GPHN: variants seen among roughly 807,000 people sequenced by gnomAD.
GPHN encodes the protein gephyrin.
In GPHN, 17 loss-of-function variants were observed where a neutral mutation model predicts 95.5. The observed-to-expected ratio is 0.18, with a 90% CI of 0.12 to 0.27. GPHN has a LOEUF of 0.27. Among genes scored for constraint, GPHN ranks in the 10% least tolerant of loss-of-function variants. The pLI is 1.00. For missense variants in GPHN, 660 were observed against 978.1 expected, an observed-to-expected ratio of 0.67 and a Z score of 4.34; for synonymous variants, 320 against 322.5, an observed-to-expected ratio of 0.99 and a Z score of 0.08.
intron 11 of GPHN, among the ~76,000 whole-genome samples, chr14:67,079,375 A>G (rs1031402589): frequency 2.6e-5 from 4 of 152,046 alleles, no homozygotes; most frequent in African/African-American, 9.7e-5. Flanking sequence ...ATTTTCATTA[A>G]TTCAAAAAGA....
intron 1 of GPHN, among the ~76,000 whole-genome samples, chr14:66,586,137 T>C (rs2061409658): frequency 6.6e-6 from 1 of 152,220 alleles, no homozygotes; most frequent in South Asian, 2.1e-4. Flanking sequence ...CCTTTACCAT[T>C]ATGTAATGGC....
chr14:66,765,142 G>A (rs1287538778), intron 2 of GPHN, among the ~76,000 whole-genome samples: 1 of 152,172 alleles, frequency 6.6e-6, no homozygotes, highest in Non-Finnish European at 1.5e-5. Context: ...TCTGATGTGA[G>A]AGGGTATCTC....
chr14:67,280,228 C>G, the GPHN span, among the ~76,000 whole-genome samples: 1 of 152,186 alleles, frequency 6.6e-6, no homozygotes, highest in Non-Finnish European at 1.5e-5. Context: ...ATATCAAATG[C>G]ATGTTTCCAA....
Position 66,929,277 on chromosome 14 carries a change from C to G in GPHN, c.828+4985C>G, listed in dbSNP as rs373691342. ...CCATGTTGGCCAGGCTGATCTCGAA[C>G]TCCTGGACCTCAAGCGATCCGCCTC... On this transcript the variant is annotated intron_variant, in intron 8 of 22. Transcript: ENST00000478722. Among the ~76,000 whole-genome samples, 5 of 152,070 alleles carry G rather than the reference C, an allele frequency of 3.3e-5. No individual in the cohort carries two copies. The South Asian group carries it at 1.0e-3, about 32-fold the overall frequency.
chr14:66,640,053 C>G (rs1226256079), intron 1 of GPHN, among the ~76,000 whole-genome samples: 1 of 152,060 alleles, frequency 6.6e-6, no homozygotes, highest in Non-Finnish European at 1.5e-5. Flanking sequence ...GCTGAAACAC[C>G]TAGGTGCAAT....
chr14:67,453,460 G>A, the GPHN span, among the ~76,000 whole-genome samples: 2 of 152,212 alleles, frequency 1.3e-5, no homozygotes, highest in African/African-American at 2.4e-5. Context: ...TCAGGTACCC[G>A]GGATGCTGAC....
chr14:66,954,129 G>A (rs1263990607), intron 8 of GPHN, among the ~76,000 whole-genome samples: 2 of 151,918 alleles, frequency 1.3e-5, no homozygotes, highest in Non-Finnish European at 2.9e-5. Context: ...GGTTCCTTGA[G>A]ATTCCATATG....
At chr14:67,144,244 A>T (rs368184469) in intron 18 of GPHN, among the ~76,000 whole-genome samples, 7,024 of 67,188 alleles carry the variant, frequency 0.1, 1,774 homozygotes, top group African/African-American at 0.46. Context: ...CTTAAAAAAA[A>T]AAAAAAATAT....
At chr14:66,629,125 GTATATAAATATA>G (rs2063645697) in intron 1 of GPHN, among the ~76,000 whole-genome samples, 1 of 121,158 alleles carries the variant, frequency 8.3e-6, no homozygotes, top group Non-Finnish European at 1.7e-5. Context: ...ATATAAATAT[GTATATAAATATA>G]TATTTATATA....
At chr14:67,652,860 C>T in the GPHN span, among the ~76,000 whole-genome samples, 123 of 152,228 alleles carry the variant, frequency 8.1e-4, 2 homozygotes, top group African/African-American at 2.7e-3. Flanking sequence ...GTGGTGCCAT[C>T]TCGGCTCACT....
intron 11 of GPHN, among the ~76,000 whole-genome samples, chr14:67,069,637 C>G (rs1197590003): frequency 6.6e-6 from 1 of 152,162 alleles, no homozygotes; most frequent in Non-Finnish European, 1.5e-5. Context: ...ATCATGTAAT[C>G]TTAAATAAAA....
chr14:67,161,990 G>T (rs2082006427), intron 19 of GPHN, among the ~76,000 whole-genome samples: 2 of 151,848 alleles, frequency 1.3e-5, no homozygotes, highest in South Asian at 4.2e-4. Flanking sequence ...TCTGACTTCA[G>T]CCATTGTGTA....
chr14:67,085,909 A>G (rs922618013), intron 11 of GPHN, among the ~76,000 whole-genome samples: 5 of 152,042 alleles, frequency 3.3e-5, no homozygotes, highest in African/African-American at 1.2e-4. Context: ...TCTACTTTCT[A>G]TCTCTGTGAT....
At chr14:67,432,625 T>C in the GPHN span, among the ~76,000 whole-genome samples, 1 of 152,174 alleles carries the variant, frequency 6.6e-6, no homozygotes, top group Admixed American at 6.5e-5. Flanking sequence ...AGGGCTGCCA[T>C]GACAAATTGC....
rs1056235546 is a variant in GPHN at position 67,099,905 on chromosome 14, G to A, written c.1238-951G>A. Among the ~76,000 whole-genome samples, 10 of 152,118 alleles carry A rather than the reference G, an allele frequency of 6.6e-5. No individual in the cohort carries two copies. The South Asian group carries it at 1.7e-3, about 25-fold the overall frequency. ...AAACTCTGCTGTTTGCAGATAACAT[G>A]AAGGTAATGGTCATGATTTTAAAAC... On this transcript the variant is annotated intron_variant, in intron 12 of 22. Transcript: ENST00000478722.
intron 8 of GPHN, among the ~76,000 whole-genome samples, chr14:66,932,900 A>G (rs1418922559): frequency 1.3e-5 from 2 of 152,202 alleles, no homozygotes; most frequent in African/African-American, 4.8e-5. Flanking sequence ...GTACACAACT[A>G]ATACCATTCT....
the GPHN span, chr14:67,587,011 T>A: frequency 4.6e-6 from 7 of 1,529,456 alleles, no homozygotes; most frequent in East Asian, 1.2e-4. Flanking sequence ...AGCTAATAAG[T>A]AAGAAAGCCA....
the GPHN span, chr14:67,692,327 G>T: frequency 9.0e-7 from 1 of 1,113,578 alleles, no homozygotes; most frequent in Non-Finnish European, 1.3e-6. Context: ...AGAAGTTTTT[G>T]GCTATATTTT....
chr14:67,015,993 C>A (rs905853100), intron 9 of GPHN, among the ~76,000 whole-genome samples: 1 of 151,888 alleles, frequency 6.6e-6, no homozygotes, highest in Non-Finnish European at 1.5e-5. Flanking sequence ...TTTCTTGTTT[C>A]GGTCTATTAA....
Sources: gnomAD v4.1 joint callset for allele counts (sites outside exome capture counted in the v4.1 genomes callset) on GRCh38, gnomAD v4.1.1 for gene constraint, MANE v1.5 for transcripts, NCBI Gene and HGNC (gene_info 2026-07-23, HGNC 2026-07-21) for gene names.